Variants in DACH1 observed in about 807,000 individuals in gnomAD.
DACH1 encodes dachshund family transcription factor 1, also known as dachshund homolog 1.
A neutral mutation model predicts 54.2 loss-of-function variants in DACH1; 12 were observed. The observed-to-expected ratio is 0.22, with a 90% CI of 0.14 to 0.36. The LOEUF (loss-of-function observed/expected upper bound fraction) is 0.36. DACH1 is among the 10% of genes least tolerant of loss of function. The probability of loss-of-function intolerance (pLI) is 1.00; values close to 1 mark genes in which losing one functional copy is unlikely to be tolerated. For synonymous variants in DACH1, 386 were observed against 366.2 expected (o/e 1.05, Z -0.62); for missense variants, 805 against 929.8 (o/e 0.87, Z 1.75).
At chr13:71,793,845 G>GA (rs376746997) in intron 1 of DACH1, among the ~76,000 whole-genome samples, 89 of 152,172 alleles carry the variant, frequency 5.8e-4, no homozygotes, top group African/African-American at 2.1e-3. Flanking sequence ...CTTTTTTAGT[G>GA]AAAAAAATTG....
intron 1 of DACH1, among the ~76,000 whole-genome samples, chr13:71,705,569 A>G (rs957604816): frequency 6.6e-6 from 1 of 152,214 alleles, no homozygotes; most frequent in Non-Finnish European, 1.5e-5. Flanking sequence ...ATGGATTTGA[A>G]TTCTTCATTG....
intron 1 of DACH1, among the ~76,000 whole-genome samples, chr13:71,728,681 A>T (rs967709400): frequency 1.3e-5 from 2 of 152,018 alleles, no homozygotes; most frequent in Admixed American, 1.3e-4. Context: ...CTTTTTATTC[A>T]TTCAAGTGGG....
intron 3 of DACH1, among the ~76,000 whole-genome samples, chr13:71,583,455 C>T (rs528340702): frequency 6.6e-6 from 1 of 152,228 alleles, no homozygotes; most frequent in East Asian, 1.9e-4. Context: ...ACAAAAATAA[C>T]ATGTATTCAA....
chr13:71,710,452 T>TTGTG lies in DACH1; in HGVS notation c.849-28546_849-28543dup, dbSNP rs71681955. ...AAAGTGAGGTTCAAATATGAGGGTT[T>TTGTG]TGTGTGTGTGTGTGTGTGTGTGTGT... is the stretch of plus-strand genomic sequence containing the variant. On this transcript the variant is annotated intron_variant, in intron 1 of 10. Coordinates refer to ENST00000613252, the MANE Select transcript of DACH1 (RefSeq NM_080759.6). Among the ~76,000 whole-genome samples the TTGTG allele has an allele frequency of 1.1e-3, 152 of 140,662 alleles. 1 individual carries two copies. The highest frequency in any genetic ancestry group is 3.4e-3 in the East Asian group (16 of 4,690). The allele number at this position is 140,662 out of a possible 152,430, so 92.3% of individuals were successfully genotyped here.
At chr13:71,787,868 T>A (rs1173687221) in intron 1 of DACH1, among the ~76,000 whole-genome samples, 1 of 152,128 alleles carries the variant, frequency 6.6e-6, no homozygotes, top group African/African-American at 2.4e-5. Flanking sequence ...CTGAACAAAA[T>A]GAGCGGAAAT....
chr13:71,855,535 T>C (rs1370997962), intron 1 of DACH1, among the ~76,000 whole-genome samples: 2 of 152,060 alleles, frequency 1.3e-5, no homozygotes, highest in Admixed American at 1.3e-4. Flanking sequence ...TGAAGCAAAC[T>C]ACTACACACC....
chr13:71,654,605 C>T (rs1878962298), intron 2 of DACH1, among the ~76,000 whole-genome samples: 1 of 151,764 alleles, frequency 6.6e-6, no homozygotes, highest in Non-Finnish European at 1.5e-5. Flanking sequence ...ATAAGTGGGC[C>T]TCAATAAACT....
intron 6 of DACH1, among the ~76,000 whole-genome samples, chr13:71,515,399 T>C (rs1011604272): frequency 6.6e-6 from 1 of 151,886 alleles, no homozygotes; most frequent in Non-Finnish European, 1.5e-5. Flanking sequence ...GGAGTCAGCA[T>C]TTTGCTATTT....
chr13:71,611,006 C>A (rs1875288838), intron 3 of DACH1, among the ~76,000 whole-genome samples: 1 of 152,210 alleles, frequency 6.6e-6, no homozygotes, highest in African/African-American at 2.4e-5. Flanking sequence ...ACACACAAAG[C>A]ATATCACAGT....
rs1873925903 is a variant in DACH1 at position 71,440,569 on chromosome 13, A to G, written c.*86T>C. 6 of 1,039,286 alleles carry G rather than the reference A, an allele frequency of 5.8e-6. No homozygotes were observed. The East Asian group carries it at 1.5e-4, about 27-fold the overall frequency. The allele number at this position is 1,039,286 out of a possible 1,614,324, so 64.4% of individuals were successfully genotyped here. A position where few individuals can be genotyped will look rare whatever the true frequency, so the allele number is the denominator to read the frequency against. On this transcript the variant is annotated 3_prime_UTR_variant, in exon 11 of 11. Transcript: ENST00000613252. ...AAATTCAGGAAGTTCCCTTAAAAGG[A>G]CTTTATTTTTTTCTGAACTTTCCCA... is the stretch of plus-strand genomic sequence containing the variant.
intron 2 of DACH1, among the ~76,000 whole-genome samples, chr13:71,641,903 C>T (rs1877930400): frequency 6.6e-6 from 1 of 152,090 alleles, no homozygotes; most frequent in Non-Finnish European, 1.5e-5. Context: ...CAACCCATCT[C>T]ACCTAGGAAC....
chr13:71,765,654 G>A (rs1000700527), intron 1 of DACH1, among the ~76,000 whole-genome samples: 4 of 152,070 alleles, frequency 2.6e-5, no homozygotes, highest in African/African-American at 9.7e-5. Flanking sequence ...AATAATGATG[G>A]TTATCATAGG....
chr13:71,593,744 T>C (rs1017617312), intron 3 of DACH1, among the ~76,000 whole-genome samples: 2 of 152,024 alleles, frequency 1.3e-5, no homozygotes, highest in South Asian at 4.1e-4. Context: ...TCAATAACAA[T>C]GGAACATTCC....
chr13:71,789,904 A>G (rs1466684484), intron 1 of DACH1, among the ~76,000 whole-genome samples: 4 of 152,178 alleles, frequency 2.6e-5, no homozygotes, highest in African/African-American at 9.6e-5. Flanking sequence ...GCAGGCCACA[A>G]GAGATTCAAT....
At chr13:71,481,612 T>A (rs949139185) in intron 7 of DACH1, among the ~76,000 whole-genome samples, 3 of 152,218 alleles carry the variant, frequency 2.0e-5, no homozygotes, top group Non-Finnish European at 4.4e-5. Context: ...TAAAATTAAA[T>A]GTAATTTTTA....
chr13:71,512,868 A>G lies in DACH1; in HGVS notation c.1571-23720T>C, dbSNP rs1160669098. Among the ~76,000 whole-genome samples the G allele has an allele frequency of 2.0e-5, 3 of 152,066 alleles. No individual in the cohort carries two copies. The East Asian group carries it at 5.8e-4, about 29-fold the overall frequency. The stretch of plus-strand genomic sequence containing the variant: ...AGAATCAAGGTATATACCTTGGAAG[A>G]AAATCTAGAAGAATAATCTTTTTTT... On this transcript the variant is annotated intron_variant, in intron 6 of 10. Coordinates refer to ENST00000613252, the MANE Select transcript of DACH1 (RefSeq NM_080759.6).
At chr13:71,615,630 G>A (rs1422930697) in intron 3 of DACH1, among the ~76,000 whole-genome samples, 4 of 152,086 alleles carry the variant, frequency 2.6e-5, no homozygotes, top group Non-Finnish European at 5.9e-5. Flanking sequence ...GCTTGACACA[G>A]GCTCAGAGAC....
rs192585115 is a variant in DACH1 at position 71,500,428 on chromosome 13, T to A, written c.1571-11280A>T. 1.3e-4 allele frequency among the ~76,000 whole-genome samples: 20 copies of A among 152,244 alleles called. No homozygotes were observed. In the East Asian group the frequency reaches 3.7e-3, roughly 28 times the overall value. The stretch of plus-strand genomic sequence containing the variant: ...AAAATGAGTGTCATTGCTATGTGAA[T>A]AAAACAGAACGATTCTCAAATAATA... On this transcript the variant is annotated intron_variant, in intron 6 of 10. Transcript: ENST00000613252.
intron 10 of DACH1, among the ~76,000 whole-genome samples, chr13:71,450,169 C>T (rs1369466805): frequency 3.5e-5 from 5 of 141,380 alleles, no homozygotes; most frequent in South Asian, 2.2e-4. Context: ...GACACAGATA[C>T]TTTTTTTTTT....
Sources: allele counts gnomAD v4.1 joint callset (sites outside exome capture counted in the v4.1 genomes callset), GRCh38; gene constraint gnomAD v4.1.1; transcripts MANE v1.5; gene names NCBI Gene and HGNC (gene_info 2026-07-23, HGNC 2026-07-21).